Variants in CDCA7L observed in about 807,000 individuals in gnomAD.
The protein encoded by CDCA7L is cell division cycle-associated 7-like protein.
CDCA7L carries 44 observed loss-of-function variants against 57.4 expected under a neutral mutation model. That is an observed-to-expected ratio of 0.77 (90% CI 0.60 to 0.98). CDCA7L has a LOEUF of 0.98. CDCA7L is among the 50% of genes least tolerant of loss of function. The pLI, the probability that CDCA7L is intolerant of heterozygous loss-of-function variation, is 0.00. For synonymous variants in CDCA7L, 236 were observed against 202.8 expected, an observed-to-expected ratio of 1.16 and a Z score of -1.39; for missense variants, 644 against 580.6, an observed-to-expected ratio of 1.11 and a Z score of -1.12.
intron 6 of CDCA7L, 57 bp downstream of exon 6, chr7:21,906,232 C>T (rs536974510): frequency 2.6e-6 from 4 of 1,518,276 alleles, no homozygotes; most frequent in South Asian, 1.3e-5. Context: ...CGTGCGTTCA[C>T]GTTTGGAGGG....
chr7:21,909,955 C>G (rs1785263662), intron 3 of CDCA7L, among the ~76,000 whole-genome samples: 1 of 152,160 alleles, frequency 6.6e-6, no homozygotes, highest in Admixed American at 6.6e-5. Flanking sequence ...TTCGCCAGTT[C>G]CCACAGGGGT....
chr7:21,911,664 C>T lies in CDCA7L; in HGVS notation c.256G>A (p.Gly86Arg), dbSNP rs2128059996. ...DTDSETEDFA[G>R]FTQSDLNGKT... The stretch of plus-strand genomic sequence containing the variant: ...CCATTCAGATCACTCTGCGTAAATC[C>T]TGCAAAATCCTCAGTCTCTGAGTCA... Residue 86 changes from glycine (G) to arginine (R), a missense_variant, in exon 3 of 10, where the codon GGA becomes AGA. Transcript: ENST00000406877. The T allele has an allele frequency of 1.2e-6, 2 of 1,613,842 alleles. No homozygotes were observed. The highest frequency in any genetic ancestry group is 1.7e-6 in the Non-Finnish European group (2 of 1,179,926).
intron 1 of CDCA7L, among the ~76,000 whole-genome samples, chr7:21,944,337 G>C (rs1290702969): frequency 6.7e-6 from 1 of 150,048 alleles, no homozygotes; most frequent in Non-Finnish European, 1.5e-5. Context: ...TGTAATCCCA[G>C]CTACTCGGGA....
intron 1 of CDCA7L, among the ~76,000 whole-genome samples, chr7:21,934,557 TTAAG>T (rs1345179888): frequency 6.6e-6 from 1 of 152,080 alleles, no homozygotes; most frequent in Non-Finnish European, 1.5e-5. Flanking sequence ...AATCACAAGA[TTAAG>T]TAATTCCCCA....
intron 4 of CDCA7L, among the ~76,000 whole-genome samples, chr7:21,907,106 A>T (rs1785166348): frequency 6.6e-6 from 1 of 152,248 alleles, no homozygotes; most frequent in Non-Finnish European, 1.5e-5. Context: ...CTCATCAATC[A>T]AAGTAATCTA....
At position 21,908,172 on chromosome 7, in the gene CDCA7L, A is replaced by G; in HGVS notation, c.639T>C (p.Ala213=). The G allele has an allele frequency of 6.3e-7, 1 of 1,583,242 alleles. No individual in the cohort carries two copies. Residue 213 remains alanine, a synonymous_variant, in exon 4 of 10, where the codon GCT becomes GCC. Transcript: ENST00000406877. ...TGATGTTCATGGTCCTTTTCAGCAA[A>G]GCATCTGAACTCTCCTGGCTCTCAT... ...SRDESQESSD[A]LLKRTMNIKE... is the part of the protein sequence containing the mutation.
At chr7:21,933,139 A>T (rs1786066832) in intron 1 of CDCA7L, among the ~76,000 whole-genome samples, 1 of 152,246 alleles carries the variant, frequency 6.6e-6, no homozygotes, top group African/African-American at 2.4e-5. Flanking sequence ...AACATTAAAA[A>T]GTCAGGAAAC....
Position 21,901,049 on chromosome 7 carries a change from G to T in CDCA7L, c.*1273C>A. 5 of 1,613,160 alleles carry T rather than the reference G, an allele frequency of 3.1e-6. No homozygotes were observed. The highest frequency in any genetic ancestry group is 4.2e-6 in the Non-Finnish European group (5 of 1,179,506). Reference sequence around the variant, plus strand: ...CAAGCAGGAACCATTGTTGAAGCCCGTCTCAAGGAGCTGGCATGCCCTATG... The same window carrying T: ...CAAGCAGGAACCATTGTTGAAGCCCTTCTCAAGGAGCTGGCATGCCCTATG... On this transcript the variant is annotated 3_prime_UTR_variant, in exon 10 of 10. Transcript: ENST00000406877.
intron 1 of CDCA7L, among the ~76,000 whole-genome samples, chr7:21,938,960 G>A (rs1038788433): frequency 3.3e-5 from 5 of 152,152 alleles, no homozygotes; most frequent in African/African-American, 1.2e-4. Context: ...AGTGAGCCAC[G>A]ATAGCACCAC....
At chr7:21,910,269 G>A (rs940644118) in intron 3 of CDCA7L, among the ~76,000 whole-genome samples, 4 of 152,320 alleles carry the variant, frequency 2.6e-5, no homozygotes, top group East Asian at 1.9e-4. Flanking sequence ...CTGGCAAGAA[G>A]CTAGGGACTT....
At position 21,908,395 on chromosome 7, in the gene CDCA7L, C is replaced by T. The variant is rs776702624; in HGVS notation, c.416G>A (p.Ser139Asn). The T allele has an allele frequency of 6.2e-6, 10 of 1,608,136 alleles. No individual in the cohort carries two copies. Among genetic ancestry groups the T allele is most frequent in the Non-Finnish European group, 6.8e-6 (8 of 1,178,506 alleles). ...CTGAAAGGCTACTCGAAGACCAATACTACTTCTTCTAGACCTGCTTCTTCT... is the reference window on the plus strand; with the variant it reads ...CTGAAAGGCTACTCGAAGACCAATATTACTTCTTCTAGACCTGCTTCTTCT... ...TPRRSRSRRS[S>N]IGLRVAFQFP... Residue 139 changes from serine to asparagine, a missense_variant, in exon 4 of 10, where the codon AGT (serine) becomes AAT (asparagine). Physicochemically the swap from Ser to Asn is conservative, Grantham distance 46 (BLOSUM62 1). Transcript: ENST00000406877.
rs1562617568 is a variant in CDCA7L at position 21,902,334 on chromosome 7, T to TACCA, written c.1349_1352dup (p.Glu452GlyfsTer17). 2 of 1,613,960 alleles carry TACCA rather than the reference T, an allele frequency of 1.2e-6. No homozygotes were observed. Among genetic ancestry groups the TACCA allele is most frequent in the Admixed American group, 3.3e-5 (2 of 60,030 alleles). On this transcript the variant is annotated frameshift_variant, in exon 10 of 10. Transcript: ENST00000406877. LOFTEE classifies it high-confidence loss of function. ...GTTTGTTTTCCTCTTAATTGTCTTCTACCAGCTCCTTTTGTAAGCTGGGAA... is the reference window on the plus strand; with the variant it reads ...GTTTGTTTTCCTCTTAATTGTCTTCTACCAACCAGCTCCTTTTGTAAGCTGGGAA...
intron 1 of CDCA7L, among the ~76,000 whole-genome samples, chr7:21,917,469 G>A (rs1467438004): frequency 2.0e-5 from 3 of 152,196 alleles, no homozygotes; most frequent in Admixed American, 1.3e-4. Context: ...TGATCCCAGA[G>A]AGAACAATGT....
At position 21,901,975 on chromosome 7, in the gene CDCA7L, TAGA is replaced by T; in HGVS notation, c.*344_*346del. 3.5e-6 allele frequency: 1 copy of T among 289,200 alleles called. No individual in the cohort carries two copies. The highest frequency in any genetic ancestry group is 6.6e-6 in the Non-Finnish European group (1 of 150,872). The allele number at this position is 289,200 out of a possible 1,614,324, so 17.9% of individuals were successfully genotyped here. Reference sequence around the variant, plus strand: ...TACTGTTTGGGAAGCCAAAGATAGATAGATCAAGTGCAGGAGCTGATCATACAA... The same window carrying T: ...TACTGTTTGGGAAGCCAAAGATAGATTCAAGTGCAGGAGCTGATCATACAA... On this transcript the variant is annotated 3_prime_UTR_variant, in exon 10 of 10. Coordinates refer to ENST00000406877, the MANE Select transcript of CDCA7L (RefSeq NM_018719.5).
chr7:21,901,484 A>T lies in CDCA7L; in HGVS notation c.*838T>A. On this transcript the variant is annotated 3_prime_UTR_variant, in exon 10 of 10. Transcript: ENST00000406877. ...CAGTTACTCAGGAGGTAGGAGAATC[A>T]CTTGAACCTAGGAGGCAAAGGTTGC... 1 of 447,528 alleles carries T rather than the reference A, an allele frequency of 2.2e-6. No homozygotes were observed. Among genetic ancestry groups the T allele is most frequent in the South Asian group, 7.9e-5 (1 of 12,626 alleles). The allele number at this position is 447,528 out of a possible 1,614,324, so 27.7% of individuals were successfully genotyped here.
At chr7:21,943,184 G>C (rs1033483934) in intron 1 of CDCA7L, among the ~76,000 whole-genome samples, 1 of 152,222 alleles carries the variant, frequency 6.6e-6, no homozygotes, top group Non-Finnish European at 1.5e-5. Flanking sequence ...AAAGCACAAA[G>C]ACACAGTGGT....
intron 1 of CDCA7L, among the ~76,000 whole-genome samples, chr7:21,928,123 G>A (rs1356465703): frequency 1.3e-5 from 2 of 152,194 alleles, no homozygotes; most frequent in Non-Finnish European, 2.9e-5. Flanking sequence ...GAAGAAAACA[G>A]GCAGCAATCC....
chr7:21,902,272 T>G lies in CDCA7L; in HGVS notation c.*50A>C. 1 of 1,564,626 alleles carries G rather than the reference T, an allele frequency of 6.4e-7. No homozygotes were observed. Among genetic ancestry groups the G allele is most frequent in the Non-Finnish European group, 8.8e-7 (1 of 1,135,046 alleles). ...TTCTTAGGCACCAATGGTATGCATG[T>G]CTTGTTGGAGTACTCTATGGTGAGG... On this transcript the variant is annotated 3_prime_UTR_variant, in exon 10 of 10. Transcript: ENST00000406877.
intron 1 of CDCA7L, chr7:21,940,380 G>T: frequency 1.2e-6 from 1 of 820,416 alleles, no homozygotes; most frequent in Non-Finnish European, 1.5e-6. Flanking sequence ...ATACTACTTT[G>T]CCCTTCCATC....
Sources: allele counts gnomAD v4.1 joint callset (sites outside exome capture counted in the v4.1 genomes callset), GRCh38; gene constraint gnomAD v4.1.1; transcripts MANE v1.5; gene names NCBI Gene and HGNC (gene_info 2026-07-23, HGNC 2026-07-21).